ANXA11: variants seen among roughly 807,000 people sequenced by gnomAD.
ANXA11 encodes the protein 56 kDa autoantigen.
Under a neutral mutation model 64.7 loss-of-function variants are expected in ANXA11, and 57 were observed. That is an observed-to-expected ratio of 0.88 (90% CI 0.71 to 1.10). ANXA11 has a LOEUF of 1.10. Ranked by LOEUF, ANXA11 falls within the 50% of genes least tolerant of loss-of-function variation. The probability of loss-of-function intolerance (pLI) is 0.00; values close to 1 mark genes in which losing one functional copy is unlikely to be tolerated. For missense variants in ANXA11, 675 were observed against 670.7 expected (o/e 1.01, Z -0.07); for synonymous variants, 260 against 265.2 (o/e 0.98, Z 0.19).
chr10:80,156,693 AG>A (rs1404060921), intron 15 of ANXA11, among the ~76,000 whole-genome samples: 1 of 152,116 alleles, frequency 6.6e-6, no homozygotes, highest in African/African-American at 2.4e-5. Context: ...TAGTAGAGAC[AG>A]GGTTTTACCT....
chr10:80,192,980 A>G (rs1846836304), intron 1 of ANXA11, among the ~76,000 whole-genome samples: 1 of 152,200 alleles, frequency 6.6e-6, no homozygotes, highest in Admixed American at 6.5e-5. Context: ...AATAAAATAT[A>G]TAGGATCTAG....
intron 3 of ANXA11, chr10:80,171,178 G>A: frequency 9.8e-6 from 13 of 1,328,376 alleles, no homozygotes; most frequent in Non-Finnish European, 1.3e-5. Context: ...GGGGTATTAA[G>A]GAGGCTGGGA....
Position 80,168,998 on chromosome 10 carries a change from T to C in ANXA11, c.532A>G (p.Thr178Ala). 6.5e-7 allele frequency: 1 copy of C among 1,541,966 alleles called. No individual in the cohort carries two copies. Among genetic ancestry groups the C allele is most frequent in the South Asian group, 1.3e-5 (1 of 77,838 alleles). Residue 178 changes from threonine to alanine, a missense_variant, in exon 5 of 16, where the codon ACT (threonine) becomes GCT (alanine). Coordinates refer to ENST00000422982, the MANE Select transcript of ANXA11 (RefSeq NM_145868.2). The part of the protein sequence containing the change: ...PSYPGYPGSG[T>A]VTPAVPPTQF... ...GTTGGGGGCACAGCGGGGGTGACAG[T>C]CCCAGACCCCGGGTATCCTGGGTAG...
chr10:80,192,060 C>T (rs1232971699), intron 1 of ANXA11, among the ~76,000 whole-genome samples: 2 of 152,198 alleles, frequency 1.3e-5, no homozygotes, highest in Admixed American at 1.3e-4. Context: ...GAGCTGCTGG[C>T]GGACTCAGGC....
At chr10:80,178,493 G>C (rs1307561620) in intron 1 of ANXA11, among the ~76,000 whole-genome samples, 2 of 152,210 alleles carry the variant, frequency 1.3e-5, no homozygotes, top group African/African-American at 4.8e-5. Flanking sequence ...TCTGGCCTCT[G>C]GTCCTGCCTC....
At position 80,159,206 on chromosome 10, in the gene ANXA11, G is replaced by T. The variant is rs1236342941; in HGVS notation, c.1181-11C>A. On this transcript the variant is annotated splice_polypyrimidine_tract_variant and intron_variant, in intron 12 of 15. Transcript: ENST00000422982. ...GGTACTCATTGAAAACTATGGGGAT[G>T]ACAGAGGCTTATATTATGAACTGAA... 2.5e-6 allele frequency: 4 copies of T among 1,608,026 alleles called. No homozygotes were observed. The highest frequency in any genetic ancestry group is 3.4e-6 in the Non-Finnish European group (4 of 1,174,720).
intron 1 of ANXA11, among the ~76,000 whole-genome samples, chr10:80,198,359 T>G (rs1840265288): frequency 6.6e-6 from 1 of 152,154 alleles, no homozygotes; most frequent in Non-Finnish European, 1.5e-5. Context: ...CAGCCCCCAC[T>G]AAGGACTGCT....
intron 2 of ANXA11, among the ~76,000 whole-genome samples, chr10:80,174,399 C>T (rs1337411480): frequency 6.6e-6 from 1 of 151,896 alleles, no homozygotes; most frequent in African/African-American, 2.4e-5. Flanking sequence ...GCCTCAGCCT[C>T]CCAAGTAGCT....
At chr10:80,203,555 A>ATTAG (rs2132517653) in intron 1 of ANXA11, among the ~76,000 whole-genome samples, 1 of 152,302 alleles carries the variant, frequency 6.6e-6, no homozygotes, top group Non-Finnish European at 1.5e-5. Context: ...GAGCACCTAC[A>ATTAG]TTAGGCAAGG....
intron 1 of ANXA11, among the ~76,000 whole-genome samples, chr10:80,178,440 T>C (rs1376484618): frequency 6.6e-6 from 1 of 152,204 alleles, no homozygotes; most frequent in Non-Finnish European, 1.5e-5. Context: ...GCTGGCCTCC[T>C]TAAGGATGGG....
intron 1 of ANXA11, among the ~76,000 whole-genome samples, chr10:80,201,519 T>C (rs1840420381): frequency 6.6e-6 from 1 of 152,148 alleles, no homozygotes; most frequent in South Asian, 2.1e-4. Flanking sequence ...ACCAAATACA[T>C]GATCTTCTTC....
At chr10:80,175,107 G>A (rs1230532403) in intron 2 of ANXA11, among the ~76,000 whole-genome samples, 2 of 152,156 alleles carry the variant, frequency 1.3e-5, no homozygotes, top group African/African-American at 4.8e-5. Flanking sequence ...GGTCCCCGGT[G>A]GCATCACCTT....
intron 1 of ANXA11, among the ~76,000 whole-genome samples, chr10:80,195,103 C>T (rs1042120250): frequency 2.6e-5 from 4 of 152,166 alleles, no homozygotes; most frequent in Admixed American, 1.3e-4. Flanking sequence ...CAGCCTCTCC[C>T]GGAAAGGCCC....
At chr10:80,183,055 T>C (rs977694829) in intron 1 of ANXA11, among the ~76,000 whole-genome samples, 1 of 152,164 alleles carries the variant, frequency 6.6e-6, no homozygotes, top group Non-Finnish European at 1.5e-5. Context: ...CCTCCTGGCA[T>C]GGGCTGGGGA....
chr10:80,161,997 C>T lies in ANXA11; in HGVS notation c.1118G>A (p.Gly373Glu), dbSNP rs555993142. The T allele has an allele frequency of 3.1e-6, 5 of 1,612,242 alleles. No homozygotes were observed. Among genetic ancestry groups the T allele is most frequent in the Non-Finnish European group, 4.2e-6 (5 of 1,179,810 alleles). Residue 373 changes from glycine (G) to glutamate (E), a missense_variant, in exon 12 of 16, where the codon GGA (glycine) becomes GAA (glutamate). Transcript: ENST00000422982. ...CGCATTGAACTTGGACTCGTCTGTT[C>T]CCAGGCGGTTCTCCCCGGCCGCATA... ...ELYAAGENRL[G>E]TDESKFNAVL...
At chr10:80,187,567 A>ACT (rs747181162) in intron 1 of ANXA11, among the ~76,000 whole-genome samples, 4 of 149,142 alleles carry the variant, frequency 2.7e-5, no homozygotes, top group African/African-American at 7.7e-5. Flanking sequence ...ACACACACAC[A>ACT]CACTCTCTCT....
intron 7 of ANXA11, 109 bp from the exon 8 acceptor site, chr10:80,166,306 C>T (rs1845738223): frequency 3.1e-6 from 2 of 646,980 alleles, no homozygotes; most frequent in Non-Finnish European, 5.4e-6. Context: ...GGAACAGCAG[C>T]ATGGACATCC....
At chr10:80,164,007 G>A (rs772189544) in intron 9 of ANXA11, 46 bp downstream of exon 9, 1 of 1,512,204 alleles carries the variant, frequency 6.6e-7, no homozygotes, top group Non-Finnish European at 9.2e-7. Flanking sequence ...AAGAGCACAG[G>A]GATCTGCAGA....
intron 1 of ANXA11, among the ~76,000 whole-genome samples, chr10:80,179,364 A>G (rs1589437807): frequency 6.6e-6 from 1 of 152,318 alleles, no homozygotes; most frequent in East Asian, 1.9e-4. Context: ...GGGCCCTTCA[A>G]CCTGGCATAG....
Sources: gnomAD v4.1 joint callset for allele counts (sites outside exome capture counted in the v4.1 genomes callset) on GRCh38, gnomAD v4.1.1 for gene constraint, MANE v1.5 for transcripts, NCBI Gene and HGNC (gene_info 2026-07-23, HGNC 2026-07-21) for gene names.